Variants in ADCY5 observed in about 807,000 individuals in gnomAD.
ADCY5 encodes adenylate cyclase 5.
Under a neutral mutation model 119.7 loss-of-function variants are expected in ADCY5, and 30 were observed. The observed-to-expected ratio is 0.25, with a 90% CI of 0.19 to 0.34. ADCY5 has a LOEUF of 0.34. ADCY5 is among the 10% of genes least tolerant of loss of function. The pLI is 1.00. For synonymous variants in ADCY5, 753 were observed against 762.2 expected (o/e 0.99, Z 0.20); for missense variants, 1,324 against 1,775.2 (o/e 0.75, Z 4.57).
At chr3:123,416,341 T>C (rs1945185449) in intron 1 of ADCY5, 5 of 1,529,008 alleles carry the variant, frequency 3.3e-6, no homozygotes, top group Non-Finnish European at 4.4e-6. Flanking sequence ...AGGACATTTA[T>C]AGCCAGAACA....
intron 4 of ADCY5, among the ~76,000 whole-genome samples, chr3:123,332,077 T>A (rs1246928414): frequency 6.6e-6 from 1 of 152,178 alleles, no homozygotes; most frequent in African/African-American, 2.4e-5. Flanking sequence ...TACTTCCAAT[T>A]TATCCAAACG....
chr3:123,335,232 A>G (rs186578321), intron 3 of ADCY5, among the ~76,000 whole-genome samples: 5 of 152,056 alleles, frequency 3.3e-5, no homozygotes, highest in Admixed American at 2.6e-4. Flanking sequence ...ACAAACCACA[A>G]TAAAGGGCCC....
At chr3:123,432,348 G>C (rs1945538372) in intron 1 of ADCY5, among the ~76,000 whole-genome samples, 2 of 152,094 alleles carry the variant, frequency 1.3e-5, no homozygotes, top group African/African-American at 4.8e-5. Context: ...CAGCTGCAAA[G>C]AGAGAAGTGG....
chr3:123,301,655 G>C (rs1458408844), intron 14 of ADCY5, among the ~76,000 whole-genome samples: 1 of 152,214 alleles, frequency 6.6e-6, no homozygotes, highest in African/African-American at 2.4e-5. Flanking sequence ...CCACAAATGA[G>C]GAGCCAGGAC....
intron 1 of ADCY5, among the ~76,000 whole-genome samples, chr3:123,438,102 C>A (rs1229281019): frequency 1.3e-5 from 2 of 152,116 alleles, no homozygotes; most frequent in Non-Finnish European, 2.9e-5. Context: ...AGGCAAGGGG[C>A]TAGATCTTGA....
chr3:123,359,331 A>ATATATATATATATATATATATATATAT, intron 1 of ADCY5, among the ~76,000 whole-genome samples: 1 of 109,776 alleles, frequency 9.1e-6, no homozygotes, highest in Non-Finnish European at 1.8e-5. Context: ...CTTATACTAA[A>ATATATATATATATATATATATATATAT]ATATATATAT....
chr3:123,448,828 T>G lies in ADCY5; in HGVS notation c.-283A>C. 6.2e-6 allele frequency: 2 copies of G among 323,536 alleles called. No homozygotes were observed. The highest frequency in any genetic ancestry group is 5.6e-6 in the Non-Finnish European group (1 of 178,100). 20.0% of individuals were successfully genotyped at this position (323,536 alleles called of 1,614,324 possible). On this transcript the variant is annotated 5_prime_UTR_variant, in exon 1 of 21. Transcript: ENST00000462833. ...TCGCAGGGACTGGTCTGGCTGCTGC[T>G]GCGCCGCACGCGGAGAGACGTCCGG...
intron 10 of ADCY5, 41 bp downstream of exon 10, chr3:123,319,633 G>A: frequency 6.2e-7 from 1 of 1,603,066 alleles, no homozygotes; most frequent in African/African-American, 1.3e-5. Context: ...TCCTGGTCCT[G>A]GTTCAGCACA....
intron 1 of ADCY5, among the ~76,000 whole-genome samples, chr3:123,427,007 G>T (rs907705592): frequency 6.6e-6 from 1 of 152,226 alleles, no homozygotes; most frequent in Non-Finnish European, 1.5e-5. Context: ...TGGGGAAGAG[G>T]TGATATCTGG....
intron 12 of ADCY5, among the ~76,000 whole-genome samples, chr3:123,313,337 A>G (rs1305696367): frequency 2.0e-5 from 3 of 152,216 alleles, no homozygotes; most frequent in Non-Finnish European, 2.9e-5. Flanking sequence ...CAATTCCTCC[A>G]GAAGGAAGAC....
chr3:123,332,019 G>C (rs1941787772), intron 4 of ADCY5, among the ~76,000 whole-genome samples: 1 of 152,190 alleles, frequency 6.6e-6, no homozygotes, highest in East Asian at 1.9e-4. Flanking sequence ...GGGTGAATAG[G>C]GGCCTAAGGA....
chr3:123,347,934 A>T (rs1283105151), intron 2 of ADCY5, 31 bp from the exon 3 acceptor site: 1 of 1,612,484 alleles, frequency 6.2e-7, no homozygotes, highest in South Asian at 1.1e-5. Context: ...TTTCATCACC[A>T]CGCCTTCTAC....
At chr3:123,400,025 A>C (rs1225552613) in intron 1 of ADCY5, among the ~76,000 whole-genome samples, 1 of 152,168 alleles carries the variant, frequency 6.6e-6, no homozygotes, top group Non-Finnish European at 1.5e-5. Flanking sequence ...CACAATGAAC[A>C]TGGGTTCAGA....
At chr3:123,405,112 G>A (rs1419872866) in intron 1 of ADCY5, among the ~76,000 whole-genome samples, 1 of 152,252 alleles carries the variant, frequency 6.6e-6, no homozygotes, top group Non-Finnish European at 1.5e-5. Flanking sequence ...ACCTGTCACC[G>A]TGCTGCTGCA....
In ADCY5 at chr3:123,352,198, G is replaced by A. The variant is rs540510572; in HGVS notation, c.1284+234C>T. ...GGGCTTGTTTGCAAACCACAGGGACGCCACATGGCTATGGGCACCAGGCCT... is the reference window on the plus strand; with the variant it reads ...GGGCTTGTTTGCAAACCACAGGGACACCACATGGCTATGGGCACCAGGCCT... On this transcript the variant is annotated intron_variant, in intron 2 of 20. Transcript: ENST00000462833. The surrounding 1 kb of genome is among the most constrained non-coding windows in gnomAD (Gnocchi z 4.8). Among the ~76,000 whole-genome samples, 19 of 152,248 alleles carry A rather than the reference G, an allele frequency of 1.2e-4. No homozygotes were observed. Among genetic ancestry groups the A allele is most frequent in the Admixed American group, 3.9e-4 (6 of 15,302 alleles).
Position 123,424,155 on chromosome 3 carries a change from G to T in ADCY5, c.1134+23257C>A, listed in dbSNP as rs568027023. 3.9e-5 allele frequency among the ~76,000 whole-genome samples: 6 copies of T among 152,382 alleles called. 1 individual carries two copies. Among genetic ancestry groups the T allele is most frequent in the Admixed American group, 2.6e-4 (4 of 15,310 alleles). On this transcript the variant is annotated intron_variant, in intron 1 of 20. Transcript: ENST00000462833. ...AAGTGTCTGCACTGTGCACACGCAC[G>T]TGGGACTGTGGGGGCCAAGGGGTGG...
At chr3:123,303,025 A>C in intron 14 of ADCY5, 30 bp downstream of exon 14, 1 of 1,609,856 alleles carries the variant, frequency 6.2e-7, no homozygotes, top group Non-Finnish European at 8.5e-7. Context: ...ACTCTTCAGC[A>C]CTCCCTTCCA....
intron 1 of ADCY5, among the ~76,000 whole-genome samples, chr3:123,354,816 C>T (rs1276624494): frequency 2.0e-5 from 3 of 152,166 alleles, no homozygotes; most frequent in Admixed American, 1.3e-4. Context: ...AAGCAACCAA[C>T]GTAATTTTCC....
intron 1 of ADCY5, among the ~76,000 whole-genome samples, chr3:123,359,097 C>T (rs1456453357): frequency 6.7e-6 from 1 of 149,532 alleles, no homozygotes; most frequent in Non-Finnish European, 1.5e-5. Context: ...AAGACCCCTG[C>T]TCAGTTTGCT....
Sources: gnomAD v4.1 joint callset for allele counts (sites outside exome capture counted in the v4.1 genomes callset) on GRCh38, gnomAD v4.1.1 for gene constraint, Gnocchi (gnomAD v3.1) non-coding constraint, MANE v1.5 for transcripts, NCBI Gene and HGNC (gene_info 2026-07-23, HGNC 2026-07-21) for gene names.